CCDC179: variants seen among roughly 807,000 people sequenced by gnomAD.
CCDC179 encodes the protein coiled-coil domain-containing protein 179.
CCDC179 carries 17 observed loss-of-function variants against 12.0 expected under a neutral mutation model. The ratio of observed to expected loss-of-function variants is 1.42; its 90% CI spans 0.97 to 2.13. The LOEUF is 2.13. CCDC179 is among the 30% of genes most tolerant of loss of function. CCDC179 has a pLI of 0.00. For missense variants in CCDC179, 83 were observed against 78.6 expected, an observed-to-expected ratio of 1.06 and a Z score of -0.21; for synonymous variants, 27 against 26.4, an observed-to-expected ratio of 1.02 and a Z score of -0.07.
intron 3 of CCDC179, among the ~76,000 whole-genome samples, chr11:22,850,232 G>A (rs11026813): frequency 0.52 from 79,607 of 152,068 alleles, 21,181 homozygotes; most frequent in Middle Eastern, 0.7. Flanking sequence ...CCTTTGTTAG[G>A]AGGAAAATGA....
chr11:22,854,243 T>A (rs1176644448), intron 3 of CCDC179, among the ~76,000 whole-genome samples: 1 of 151,584 alleles, frequency 6.6e-6, no homozygotes. Flanking sequence ...GTCAGAAACT[T>A]GGACGTACTT....
chr11:22,859,237 G>A (rs1270351059), intron 2 of CCDC179, among the ~76,000 whole-genome samples: 1 of 152,060 alleles, frequency 6.6e-6, no homozygotes, highest in Non-Finnish European at 1.5e-5. Context: ...TTTTGTATAT[G>A]TGTCAAATGT....
chr11:22,854,356 A>G (rs1368375285), intron 3 of CCDC179, among the ~76,000 whole-genome samples: 1 of 151,876 alleles, frequency 6.6e-6, no homozygotes, highest in Non-Finnish European at 1.5e-5. Flanking sequence ...CAAAATAATA[A>G]TTGCAACAAT....
At chr11:22,851,373 T>C (rs369021130) in intron 3 of CCDC179, among the ~76,000 whole-genome samples, 11 of 152,176 alleles carry the variant, frequency 7.2e-5, no homozygotes, top group African/African-American at 2.6e-4. Context: ...AAGATAATCC[T>C]CACAGTCTGA....
At chr11:22,857,503 C>T (rs915803591) in intron 3 of CCDC179, among the ~76,000 whole-genome samples, 2 of 151,690 alleles carry the variant, frequency 1.3e-5, no homozygotes, top group African/African-American at 2.4e-5. Context: ...CTTTCAGTAA[C>T]ATTAACTCGC....
intron 3 of CCDC179, among the ~76,000 whole-genome samples, chr11:22,853,403 CA>C (rs1473143182): frequency 6.6e-6 from 1 of 151,924 alleles, no homozygotes; most frequent in East Asian, 1.9e-4. Flanking sequence ...ATGGGTAATA[CA>C]AGGCAAAATG....
intron 1 of CCDC179, 56 bp from the exon 2 acceptor site, chr11:22,859,552 AAATT>A: frequency 9.5e-7 from 1 of 1,051,086 alleles, no homozygotes; most frequent in Non-Finnish European, 1.3e-6. Context: ...TAAAAACAGT[AAATT>A]AATTATTATA....
intron 2 of CCDC179, among the ~76,000 whole-genome samples, 170 bp downstream of exon 2, chr11:22,859,282 C>T (rs1394920493): frequency 6.6e-6 from 1 of 151,814 alleles, no homozygotes; most frequent in Non-Finnish European, 1.5e-5. Flanking sequence ...TTTAGTTTAC[C>T]CTAGTTAAGA....
At chr11:22,859,315 G>A in intron 2 of CCDC179, 137 bp downstream of exon 2, 3 of 441,544 alleles carry the variant, frequency 6.8e-6, no homozygotes, top group Non-Finnish European at 1.1e-5. Flanking sequence ...GTAGTCATTA[G>A]ATCCCAGAGT....
At chr11:22,857,537 A>G (rs1409483284) in intron 3 of CCDC179, among the ~76,000 whole-genome samples, 1 of 151,772 alleles carries the variant, frequency 6.6e-6, no homozygotes, top group East Asian at 1.9e-4. Context: ...CCTAAATGTA[A>G]CATACACAAC....
intron 3 of CCDC179, among the ~76,000 whole-genome samples, chr11:22,852,426 T>A (rs1159733275): frequency 6.6e-6 from 1 of 152,220 alleles, no homozygotes; most frequent in African/African-American, 2.4e-5. Flanking sequence ...CATAGTCAAG[T>A]GATTACCAGC....
intron 3 of CCDC179, among the ~76,000 whole-genome samples, chr11:22,849,247 C>G (rs1005568471): frequency 6.6e-6 from 1 of 152,018 alleles, no homozygotes; most frequent in African/African-American, 2.4e-5. Flanking sequence ...TGCCTAATAC[C>G]ATTAGTAAAA....
At position 22,847,402 on chromosome 11, in the gene CCDC179, G is replaced by T; in HGVS notation, c.*108C>A. The T allele has an allele frequency of 3.3e-6, 2 of 607,132 alleles. No homozygotes were observed. Among genetic ancestry groups the T allele is most frequent in the Non-Finnish European group, 5.3e-6 (2 of 377,016 alleles). The allele number at this position is 607,132 out of a possible 1,614,324, so 37.6% of individuals were successfully genotyped here. ...GTGTTTATTTTTCCGAAATGGTGGA[G>T]TATTGCATTTATTTTGTGGATGATC... On this transcript the variant is annotated 3_prime_UTR_variant, in exon 4 of 4. Transcript: ENST00000532798.
intron 3 of CCDC179, among the ~76,000 whole-genome samples, chr11:22,851,880 A>G (rs993793566): frequency 6.6e-6 from 1 of 152,334 alleles, no homozygotes; most frequent in Non-Finnish European, 1.5e-5. Context: ...TTTTACCTCC[A>G]GGAGCCTCAC....
intron 3 of CCDC179, among the ~76,000 whole-genome samples, chr11:22,857,016 A>G (rs911796059): frequency 2.6e-5 from 4 of 151,686 alleles, no homozygotes; most frequent in Admixed American, 1.3e-4. Context: ...TCAGGTAAAA[A>G]AGATGATCTA....
intron 3 of CCDC179, among the ~76,000 whole-genome samples, chr11:22,850,823 T>A (rs948687384): frequency 6.6e-6 from 1 of 150,812 alleles, no homozygotes; most frequent in African/African-American, 2.4e-5. Flanking sequence ...TGGTGGCAAT[T>A]GTCTTACACT....
intron 3 of CCDC179, among the ~76,000 whole-genome samples, chr11:22,853,902 G>A (rs913800151): frequency 6.6e-6 from 1 of 151,914 alleles, no homozygotes; most frequent in African/African-American, 2.4e-5. Context: ...AATTTAAACT[G>A]CAAAAGAATC....
At chr11:22,851,667 T>G (rs1858406872) in intron 3 of CCDC179, among the ~76,000 whole-genome samples, 1 of 152,244 alleles carries the variant, frequency 6.6e-6, no homozygotes. Flanking sequence ...GGCAAGCTGC[T>G]GCCCTGAAAA....
chr11:22,856,803 T>G (rs1189158188), intron 3 of CCDC179, among the ~76,000 whole-genome samples: 1 of 151,492 alleles, frequency 6.6e-6, no homozygotes, highest in African/African-American at 2.4e-5. Context: ...AAAAAACTCT[T>G]GGAAGTAATA....
Sources: gnomAD v4.1 joint callset for allele counts (sites outside exome capture counted in the v4.1 genomes callset) on GRCh38, gnomAD v4.1.1 for gene constraint, MANE v1.5 for transcripts, NCBI Gene and HGNC (gene_info 2026-07-23, HGNC 2026-07-21) for gene names.